RIMS1: variants seen among roughly 807,000 people sequenced by gnomAD.
RIMS1 encodes the protein regulating synaptic membrane exocytosis protein 1.
RIMS1 carries 83 observed loss-of-function variants against 214.1 expected under a neutral mutation model. That is an observed-to-expected ratio of 0.39 (90% CI 0.32 to 0.47). RIMS1 has a LOEUF of 0.47. Ranked by LOEUF, RIMS1 falls within the 20% of genes least tolerant of loss-of-function variation. The probability of loss-of-function intolerance (pLI) is 0.99; values close to 1 mark genes in which losing one functional copy is unlikely to be tolerated. For synonymous variants in RIMS1, 793 were observed against 786.8 expected (o/e 1.01, Z -0.13); for missense variants, 2,050 against 2,161.8 (o/e 0.95, Z 1.03).
chr6:72,381,720 CTG>C (rs1427615803), intron 29 of RIMS1, among the ~76,000 whole-genome samples: 1 of 152,164 alleles, frequency 6.6e-6, no homozygotes, highest in African/African-American at 2.4e-5. Flanking sequence ...GTAAGTGTAA[CTG>C]AGTGATTTAA....
chr6:72,088,217 C>CTTTAA (rs1835177616), intron 2 of RIMS1, among the ~76,000 whole-genome samples: 2 of 142,804 alleles, frequency 1.4e-5, no homozygotes, highest in Non-Finnish European at 3.0e-5. Flanking sequence ...TATTTATTTA[C>CTTTAA]TTTATTTATT....
chr6:72,198,741 A>G (rs1401701068), intron 6 of RIMS1, among the ~76,000 whole-genome samples: 2 of 151,954 alleles, frequency 1.3e-5, no homozygotes, highest in Non-Finnish European at 2.9e-5. Context: ...TACATATGCT[A>G]TGGGTGTAAC....
At chr6:72,334,848 T>A (rs1379149969) in intron 29 of RIMS1, among the ~76,000 whole-genome samples, 1 of 151,926 alleles carries the variant, frequency 6.6e-6, no homozygotes, top group East Asian at 1.9e-4. Context: ...ATTACAGGAT[T>A]AGAATGAACT....
intron 22 of RIMS1, among the ~76,000 whole-genome samples, chr6:72,270,322 A>G (rs1303812376): frequency 6.6e-6 from 1 of 152,258 alleles, no homozygotes; most frequent in African/African-American, 2.4e-5. Context: ...AGAACAGACA[A>G]TAAAAATACA....
At chr6:72,054,919 T>C (rs933231351) in intron 2 of RIMS1, among the ~76,000 whole-genome samples, 7 of 152,224 alleles carry the variant, frequency 4.6e-5, no homozygotes, top group African/African-American at 1.7e-4. Flanking sequence ...GCAGAAGCTC[T>C]TTAGTTTAAC....
At chr6:71,946,620 C>A (rs993105628) in intron 1 of RIMS1, among the ~76,000 whole-genome samples, 1 of 152,074 alleles carries the variant, frequency 6.6e-6, no homozygotes, top group Non-Finnish European at 1.5e-5. Flanking sequence ...ACACCATATA[C>A]AAAAATCAAC....
intron 7 of RIMS1, among the ~76,000 whole-genome samples, chr6:72,235,027 T>C (rs564467456): frequency 6.6e-6 from 1 of 152,210 alleles, no homozygotes; most frequent in East Asian, 1.9e-4. Flanking sequence ...TTTTCAATAA[T>C]GATTTCTAAG....
chr6:71,911,056 C>T (rs1776736574), intron 1 of RIMS1, among the ~76,000 whole-genome samples: 1 of 152,070 alleles, frequency 6.6e-6, no homozygotes, highest in South Asian at 2.1e-4. Context: ...TAGAAGGTGC[C>T]ACTTGAGTAT....
In RIMS1 at chr6:72,260,695, G is replaced by A. The variant is rs781287842; in HGVS notation, c.3054-10G>A. 1.2e-6 allele frequency: 2 copies of A among 1,611,952 alleles called. No homozygotes were observed. Among genetic ancestry groups the A allele is most frequent in the Admixed American group, 1.7e-5 (1 of 59,762 alleles). On this transcript the variant is annotated splice_polypyrimidine_tract_variant and intron_variant, in intron 18 of 33. Coordinates refer to ENST00000521978, the MANE Select transcript of RIMS1 (RefSeq NM_014989.7). ...ATCTGTTTCACTCACCACCCATCCT[G>A]TCTGTGCAGTGAGCTTCTTATGCTG... is the stretch of plus-strand genomic sequence containing the variant.
intron 2 of RIMS1, among the ~76,000 whole-genome samples, chr6:72,078,858 T>C (rs1038270566): frequency 6.6e-6 from 1 of 152,108 alleles, no homozygotes; most frequent in African/African-American, 2.4e-5. Flanking sequence ...AAAGTTTTTT[T>C]ATATATTTAT....
intron 16 of RIMS1, among the ~76,000 whole-genome samples, chr6:72,256,041 A>G (rs1316814914): frequency 1.3e-5 from 2 of 151,994 alleles, no homozygotes; most frequent in African/African-American, 2.4e-5. Context: ...AAAAAAAAAA[A>G]AAAAATTTAA....
intron 2 of RIMS1, among the ~76,000 whole-genome samples, chr6:72,024,900 G>GTTTTTTTTT (rs777214787): frequency 2.1e-4 from 21 of 98,666 alleles, no homozygotes; most frequent in Admixed American, 4.0e-4. Flanking sequence ...AAATCTGTGG[G>GTTTTTTTTT]TTTTTTTTTT....
chr6:72,016,664 A>T (rs1035379086), intron 2 of RIMS1, among the ~76,000 whole-genome samples: 1 of 152,088 alleles, frequency 6.6e-6, no homozygotes, highest in African/African-American at 2.4e-5. Flanking sequence ...TTTATGGAGG[A>T]TATAATTTTT....
At chr6:71,909,753 T>A (rs1175250166) in intron 1 of RIMS1, among the ~76,000 whole-genome samples, 1 of 152,110 alleles carries the variant, frequency 6.6e-6, no homozygotes, top group East Asian at 1.9e-4. Context: ...TCTGAAGTGG[T>A]TTGTAATTAT....
At chr6:72,143,162 T>G (rs1587973178) in intron 4 of RIMS1, among the ~76,000 whole-genome samples, 2 of 152,208 alleles carry the variant, frequency 1.3e-5, no homozygotes, top group East Asian at 3.8e-4. Flanking sequence ...TATAGGCTAG[T>G]GATAAAATTC....
rs138360521 is a variant in RIMS1, at chr6:72,147,265, T to C, written c.472-32310T>C. ...GTCAATTAATTAGAGCTCTTCTAAA[T>C]AAACATCACATACATAACACATATA... On this transcript the variant is annotated intron_variant, in intron 4 of 33. Coordinates refer to ENST00000521978, the MANE Select transcript of RIMS1 (RefSeq NM_014989.7). Among the ~76,000 whole-genome samples, 44 of 152,354 alleles carry C rather than the reference T, an allele frequency of 2.9e-4. No individual in the cohort carries two copies. In the East Asian group the frequency reaches 3.7e-3, roughly 13 times the overall value.
chr6:72,213,187 A>G, intron 6 of RIMS1: 1 of 1,536,758 alleles, frequency 6.5e-7, no homozygotes, highest in South Asian at 1.2e-5. Context: ...GTTGATTCCG[A>G]AGAGGGAACA....
intron 11 of RIMS1, 98 bp from the exon 12 acceptor site, chr6:72,247,917 G>A (rs2070980035): frequency 1.3e-6 from 1 of 774,058 alleles, no homozygotes; most frequent in East Asian, 2.7e-5. Flanking sequence ...ATCAGTGATA[G>A]TAATTATGGT....
At chr6:72,313,204 AT>A in intron 27 of RIMS1, among the ~76,000 whole-genome samples, 1 of 152,318 alleles carries the variant, frequency 6.6e-6, no homozygotes, top group East Asian at 1.9e-4. Context: ...TAGAAAAAAA[AT>A]GAATAATACA....
Sources: allele counts gnomAD v4.1 joint callset (sites outside exome capture counted in the v4.1 genomes callset), GRCh38; gene constraint gnomAD v4.1.1; transcripts MANE v1.5; gene names NCBI Gene and HGNC (gene_info 2026-07-23, HGNC 2026-07-21).